MBTPS1: variants seen among roughly 807,000 people sequenced by gnomAD.
The protein encoded by MBTPS1 is membrane bound transcription factor peptidase, site 1, also known as membrane-bound transcription factor site-1 protease.
A neutral mutation model predicts 127.8 loss-of-function variants in MBTPS1; 94 were observed. The ratio of observed to expected loss-of-function variants is 0.74; its 90% confidence interval spans 0.62 to 0.87. MBTPS1 has a LOEUF of 0.87. Ranked by LOEUF, MBTPS1 falls within the 40% of genes least tolerant of loss-of-function variation. The pLI is 0.00. For missense variants in MBTPS1, 1,636 were observed against 1,353.2 expected (o/e 1.21, Z -3.28); for synonymous variants, 632 against 509.4 (o/e 1.24, Z -3.24).
At chr16:84,108,546 T>A (rs2086356546) in intron 1 of MBTPS1, among the ~76,000 whole-genome samples, 1 of 152,150 alleles carries the variant, frequency 6.6e-6, no homozygotes, top group South Asian at 2.1e-4. Context: ...GGATTACAGG[T>A]GTGAGCCACT....
rs149037220 is a variant in MBTPS1, at chr16:84,091,331, G to C, written c.964-389C>G. Among the ~76,000 whole-genome samples, 58 of 151,896 alleles carry C rather than the reference G, an allele frequency of 3.8e-4. No individual in the cohort carries two copies. The East Asian group carries it at 0.011, about 29-fold the overall frequency. On this transcript the variant is annotated intron_variant, in intron 7 of 22. Coordinates refer to ENST00000343411, the MANE Select transcript of MBTPS1 (RefSeq NM_003791.4). ...TGAAACCCCGTCTCTACTAAAAATA[G>C]CAAAATTAGCCGGGCATGGTGGTGT...
chr16:84,076,995 G>A (rs1180129010), intron 11 of MBTPS1, among the ~76,000 whole-genome samples: 1 of 152,204 alleles, frequency 6.6e-6, no homozygotes, highest in Non-Finnish European at 1.5e-5. Context: ...GGAGGCCGAG[G>A]CGGGAGGACG....
chr16:84,070,500 A>T (rs754724212), intron 13 of MBTPS1, 88 bp downstream of exon 13: 10 of 1,347,974 alleles, frequency 7.4e-6, no homozygotes, highest in Middle Eastern at 5.2e-4. Flanking sequence ...TGTACTTCCA[A>T]TGGAGACCCC....
chr16:84,069,014 C>A (rs1159047102), intron 14 of MBTPS1, among the ~76,000 whole-genome samples: 1 of 152,218 alleles, frequency 6.6e-6, no homozygotes, highest in East Asian at 1.9e-4. Flanking sequence ...TCCTCTCCTG[C>A]AGGCCAACGG....
In MBTPS1 at chr16:84,060,773, C is replaced by G. The variant is rs770241979; in HGVS notation, c.2613G>C (p.Ser871=). The change falls in exon 20 of 23, where the codon TCG becomes TCC. Residue 871 remains serine, a synonymous_variant. Coordinates refer to ENST00000343411, the MANE Select transcript of MBTPS1 (RefSeq NM_003791.4). ...WLLDALLQYT[S]YGVTPPSLSH... ...TGAGGCTAGGCGGTGTCACCCCATA[C>G]GATGTGTACTGGAGGAGGGCATCCA... 6.2e-7 allele frequency: 1 copy of G among 1,604,312 alleles called. No homozygotes were observed. Among genetic ancestry groups the G allele is most frequent in the Admixed American group, 1.7e-5 (1 of 58,398 alleles).
intron 1 of MBTPS1, among the ~76,000 whole-genome samples, chr16:84,110,433 C>T (rs117455481): frequency 0.011 from 1,643 of 151,864 alleles, 15 homozygotes; most frequent in Non-Finnish European, 0.018. Flanking sequence ...TTAACAAATC[C>T]AATAAAATAA....
rs912035977 is a variant in MBTPS1, at chr16:84,116,909, T to G, written c.-499A>C. On this transcript the variant is annotated 5_prime_UTR_variant, in exon 1 of 23. Transcript: ENST00000343411. Reference sequence around the variant, plus strand: ...CTCCGCCGACCCAGCGTGCCCTGTCTGTCCCGCGCTCCCGGGGCTTGCGTG... The same window carrying G: ...CTCCGCCGACCCAGCGTGCCCTGTCGGTCCCGCGCTCCCGGGGCTTGCGTG... The G allele has an allele frequency of 6.6e-6, 1 of 152,362 alleles. No homozygotes were observed. The highest frequency in any genetic ancestry group is 1.5e-5 in the Non-Finnish European group (1 of 68,040). 9.4% of individuals were successfully genotyped at this position (152,362 alleles called of 1,614,324 possible).
At position 84,093,552 on chromosome 16, in the gene MBTPS1, C is replaced by T. The variant is rs189842041; in HGVS notation, c.736+159G>A. 4.9e-4 allele frequency among the ~76,000 whole-genome samples: 75 copies of T among 152,296 alleles called. No homozygotes were observed. In the East Asian group the frequency reaches 0.012, roughly 25 times the overall value. Reference sequence around the variant, plus strand: ...CACTCTCTCCTGAAGTGCTACCTCCCGACATCCTATGAGGTATTCAGAGCA... The same window carrying T: ...CACTCTCTCCTGAAGTGCTACCTCCTGACATCCTATGAGGTATTCAGAGCA... On this transcript the variant is annotated intron_variant, in intron 5 of 22. Coordinates refer to ENST00000343411, the MANE Select transcript of MBTPS1 (RefSeq NM_003791.4).
intron 14 of MBTPS1, 117 bp from the exon 15 acceptor site, chr16:84,068,571 G>C (rs2085724923): frequency 1.4e-6 from 1 of 711,638 alleles, no homozygotes; most frequent in Non-Finnish European, 2.5e-6. Context: ...GAGAAGGCCT[G>C]GATGGCTGGC....
intron 19 of MBTPS1, 86 bp from the exon 20 acceptor site, chr16:84,060,899 T>C: frequency 7.5e-7 from 1 of 1,332,386 alleles, no homozygotes; most frequent in South Asian, 1.4e-5. Flanking sequence ...AGTGGCGCAA[T>C]CATAGCTCAC....
chr16:84,097,422 TACTGCTG>T (rs915004706), intron 3 of MBTPS1, among the ~76,000 whole-genome samples: 4 of 152,208 alleles, frequency 2.6e-5, no homozygotes, highest in African/African-American at 9.6e-5. Flanking sequence ...AAAAGACGCT[TACTGCTG>T]AAGGTCACAG....
At chr16:84,084,616 G>A (rs552909881) in intron 10 of MBTPS1, among the ~76,000 whole-genome samples, 2 of 152,256 alleles carry the variant, frequency 1.3e-5, no homozygotes, top group South Asian at 4.1e-4. Context: ...ATATATGGCA[G>A]GGAAATATCT....
In MBTPS1 at chr16:84,081,727, C is replaced by T. The variant is rs770177643; in HGVS notation, c.1448+20G>A. On this transcript the variant is annotated intron_variant, in intron 11 of 22. Coordinates refer to ENST00000343411, the MANE Select transcript of MBTPS1 (RefSeq NM_003791.4). ...CCCAGTGAAGGAGAGAAAGACCCATCGGCAGGGCGGTGCACTGACCTTGCC... is the reference window on the plus strand; with the variant it reads ...CCCAGTGAAGGAGAGAAAGACCCATTGGCAGGGCGGTGCACTGACCTTGCC... 2.2e-6 allele frequency: 3 copies of T among 1,341,046 alleles called. No individual in the cohort carries two copies. Among genetic ancestry groups the T allele is most frequent in the African/African-American group, 1.5e-5 (1 of 66,626 alleles). The allele number at this position is 1,341,046 out of a possible 1,614,324, so 83.1% of individuals were successfully genotyped here.
intron 19 of MBTPS1, 49 bp downstream of exon 19, chr16:84,063,256 G>T: frequency 6.3e-7 from 1 of 1,584,266 alleles, no homozygotes; most frequent in Non-Finnish European, 8.6e-7. Context: ...ACAAAGGGAA[G>T]AAAGGATCTG....
chr16:84,067,455 C>T (rs764277302), intron 16 of MBTPS1, among the ~76,000 whole-genome samples: 8 of 152,150 alleles, frequency 5.3e-5, no homozygotes, highest in Non-Finnish European at 1.5e-5. Context: ...CAGGTTCAAC[C>T]GATCTGCCCA....
Position 84,099,997 on chromosome 16 carries a change from G to A in MBTPS1, c.164-687C>T, listed in dbSNP as rs142352179. On this transcript the variant is annotated intron_variant, in intron 2 of 22. Coordinates refer to ENST00000343411, the MANE Select transcript of MBTPS1 (RefSeq NM_003791.4). ...ACGAAAACAGTAACAAAATTCCAGAGTGGATTATGTGAGACTATTTGCTCA... is the reference window on the plus strand; with the variant it reads ...ACGAAAACAGTAACAAAATTCCAGAATGGATTATGTGAGACTATTTGCTCA... 1.4e-3 allele frequency among the ~76,000 whole-genome samples: 214 copies of A among 152,354 alleles called. 1 individual carries two copies. Among genetic ancestry groups the A allele is most frequent in the African/African-American group, 4.8e-3 (200 of 41,582 alleles).
chr16:84,085,357 AG>A (rs2086005267), intron 9 of MBTPS1, among the ~76,000 whole-genome samples: 1 of 152,202 alleles, frequency 6.6e-6, no homozygotes, highest in African/African-American at 2.4e-5. Flanking sequence ...GCTTGAGCCC[AG>A]GAGTTCCAGA....
At chr16:84,107,099 C>A (rs1364422828) in intron 1 of MBTPS1, among the ~76,000 whole-genome samples, 1 of 152,118 alleles carries the variant, frequency 6.6e-6, no homozygotes, top group Admixed American at 6.5e-5. Flanking sequence ...CAATCCAGTA[C>A]CTTTTCTTTC....
At position 84,095,438 on chromosome 16, in the gene MBTPS1, G is replaced by C. The variant is rs1484151006; in HGVS notation, c.625+164C>G. On this transcript the variant is annotated intron_variant, in intron 4 of 22. Transcript: ENST00000343411. ...GATGAGGAGTACTTGGCTACCTCCA[G>C]CTAAACAAATAGTAAGAAGGTTAGA... Among the ~76,000 whole-genome samples the C allele has an allele frequency of 3.9e-5, 6 of 152,392 alleles. No homozygotes were observed. In the East Asian group the frequency reaches 1.2e-3, roughly 29 times the overall value.
Sources: allele counts gnomAD v4.1 joint callset (sites outside exome capture counted in the v4.1 genomes callset), GRCh38; gene constraint gnomAD v4.1.1; transcripts MANE v1.5; gene names NCBI Gene and HGNC (gene_info 2026-07-23, HGNC 2026-07-21).